The following CNDP1 variants were observed in gnomAD, a reference collection of about 807,000 sequenced individuals.
The protein encoded by CNDP1 is carnosine dipeptidase 1, also known as beta-Ala-His dipeptidase.
In CNDP1, 44 loss-of-function variants were observed where a neutral mutation model predicts 58.1. The observed-to-expected ratio is 0.76, with a 90% CI of 0.60 to 0.97. The LOEUF is 0.97. CNDP1 is among the 50% of genes least tolerant of loss of function. The pLI is 0.00. For synonymous variants in CNDP1, 254 were observed against 252.6 expected, an observed-to-expected ratio of 1.01 and a Z score of -0.05; for missense variants, 616 against 655.1, an observed-to-expected ratio of 0.94 and a Z score of 0.65.
chr18:74,575,574 T>A (rs1335027449), intron 7 of CNDP1, among the ~76,000 whole-genome samples: 1 of 152,234 alleles, frequency 6.6e-6, no homozygotes, highest in African/African-American at 2.4e-5. Context: ...TATTTAGTGA[T>A]GATTTTTTCC....
intron 1 of CNDP1, among the ~76,000 whole-genome samples, chr18:74,552,396 TC>T (rs950781992): frequency 1.7e-4 from 26 of 152,224 alleles, no homozygotes; most frequent in African/African-American, 6.0e-4. Flanking sequence ...TATAACATTT[TC>T]ATCACCCCAA....
chr18:74,572,652 A>G (rs1263359214), intron 7 of CNDP1, among the ~76,000 whole-genome samples: 1 of 151,880 alleles, frequency 6.6e-6, no homozygotes, highest in Non-Finnish European at 1.5e-5. Flanking sequence ...GCCAGGCATG[A>G]TGGTGTAGGC....
At chr18:74,566,112 A>G (rs959940760) in intron 5 of CNDP1, among the ~76,000 whole-genome samples, 2 of 152,190 alleles carry the variant, frequency 1.3e-5, no homozygotes, top group African/African-American at 2.4e-5. Context: ...CCTTTTAGCT[A>G]CAGCTGGGGA....
At chr18:74,560,619 A>T (rs976685991) in intron 3 of CNDP1, among the ~76,000 whole-genome samples, 2 of 151,978 alleles carry the variant, frequency 1.3e-5, no homozygotes, top group African/African-American at 2.4e-5. Flanking sequence ...GAGATGGGAG[A>T]ATCACTTGAG....
At chr18:74,576,422 C>T (rs1265050094) in intron 7 of CNDP1, 1 of 152,430 alleles carries the variant, frequency 6.6e-6, no homozygotes, top group Non-Finnish European at 1.5e-5. Context: ...GCTTTGACCT[C>T]CCAAAGTGCT....
chr18:74,585,452 C>T lies in CNDP1; in HGVS notation c.*890C>T, dbSNP rs575165342. Reference sequence around the variant, plus strand: ...AGTTTTAGATAGAGAACTAATCAACCCTGACATCAGTAACACACGCTAAAT... The same window carrying T: ...AGTTTTAGATAGAGAACTAATCAACTCTGACATCAGTAACACACGCTAAAT... On this transcript the variant is annotated 3_prime_UTR_variant, in exon 12 of 12. Transcript: ENST00000358821. 1 of 152,130 alleles carries T rather than the reference C, an allele frequency of 6.6e-6. No homozygotes were observed. Among genetic ancestry groups the T allele is most frequent in the Non-Finnish European group, 1.5e-5 (1 of 68,032 alleles). 9.4% of individuals were successfully genotyped at this position (152,130 alleles called of 1,614,324 possible).
intron 1 of CNDP1, among the ~76,000 whole-genome samples, chr18:74,552,332 T>G (rs1980932251): frequency 6.6e-6 from 1 of 152,250 alleles, no homozygotes; most frequent in Admixed American, 6.5e-5. Context: ...AAGTGTGTAA[T>G]TTTAATGGCT....
intron 5 of CNDP1, among the ~76,000 whole-genome samples, chr18:74,563,252 C>T (rs944682765): frequency 2.0e-5 from 3 of 152,112 alleles, no homozygotes; most frequent in Non-Finnish European, 4.4e-5. Context: ...TCAGCGGGCT[C>T]CTGCTGACCA....
intron 5 of CNDP1, among the ~76,000 whole-genome samples, chr18:74,566,960 G>A (rs767378172): frequency 6.6e-6 from 1 of 152,196 alleles, no homozygotes; most frequent in East Asian, 1.9e-4. Flanking sequence ...TCAGAATCAC[G>A]ACAGGAGGCA....
intron 4 of CNDP1, 173 bp from the exon 5 acceptor site, chr18:74,561,874 C>T: frequency 1.8e-6 from 1 of 559,342 alleles, no homozygotes; most frequent in Admixed American, 2.9e-5. Flanking sequence ...CTCTTATGTA[C>T]AGTCTTATTT....
At chr18:74,543,492 CA>C (rs1487169209) in intron 1 of CNDP1, among the ~76,000 whole-genome samples, 2 of 145,678 alleles carry the variant, frequency 1.4e-5, no homozygotes, top group African/African-American at 5.2e-5. Flanking sequence ...GATCCTGTCT[CA>C]AAAAATAAAA....
intron 1 of CNDP1, among the ~76,000 whole-genome samples, chr18:74,547,657 G>C (rs1980796470): frequency 1.3e-5 from 2 of 152,232 alleles, no homozygotes. Context: ...GTTAGCAAGA[G>C]CTAGGAGGGA....
chr18:74,557,504 G>A (rs868144461), intron 2 of CNDP1, among the ~76,000 whole-genome samples: 2 of 152,096 alleles, frequency 1.3e-5, no homozygotes, highest in African/African-American at 4.8e-5. Context: ...GGGAGAGCAG[G>A]AGCTTGCCGG....
Position 74,545,619 on chromosome 18 carries a change from GT to G in CNDP1, c.25-10718del, listed in dbSNP as rs1376826669. 2.6e-5 allele frequency among the ~76,000 whole-genome samples: 4 copies of G among 151,908 alleles called. No individual in the cohort carries two copies. The highest frequency in any genetic ancestry group is 4.4e-5 in the Non-Finnish European group (3 of 67,984). ...CCTCGCCACCCCTCCTCTGTCCCCA[GT>G]CCACGTCTCTCTCAACTCCCCACTC... On this transcript the variant is annotated intron_variant, in intron 1 of 11. Coordinates refer to ENST00000358821, the MANE Select transcript of CNDP1 (RefSeq NM_032649.6). The surrounding 1 kb of genome is among the most constrained non-coding windows in gnomAD (Gnocchi z 4.1).
intron 1 of CNDP1, among the ~76,000 whole-genome samples, chr18:74,554,006 T>C (rs1397095138): frequency 1.3e-5 from 2 of 152,204 alleles, no homozygotes; most frequent in Non-Finnish European, 2.9e-5. Flanking sequence ...ACTGTGAGGC[T>C]CCCAGTCCCT....
chr18:74,584,682 C>A lies in CNDP1; in HGVS notation c.*120C>A. 1 of 739,120 alleles carries A rather than the reference C, an allele frequency of 1.4e-6. No individual in the cohort carries two copies. The allele number at this position is 739,120 out of a possible 1,614,324, so 45.8% of individuals were successfully genotyped here. On this transcript the variant is annotated 3_prime_UTR_variant, in exon 12 of 12. Coordinates refer to ENST00000358821, the MANE Select transcript of CNDP1 (RefSeq NM_032649.6). ...GGTCTAGTATAGTACATTTTCCCTT[C>A]CATTTAAAATGTCTTGGGATATCTG...
At chr18:74,539,555 A>C (rs901721171) in intron 1 of CNDP1, among the ~76,000 whole-genome samples, 2 of 152,162 alleles carry the variant, frequency 1.3e-5, no homozygotes, top group Admixed American at 6.5e-5. Flanking sequence ...CACCTGCAGG[A>C]TTCCTCCGAC....
chr18:74,553,516 T>C (rs1446919695), intron 1 of CNDP1, among the ~76,000 whole-genome samples: 7 of 152,176 alleles, frequency 4.6e-5, no homozygotes, highest in Admixed American at 4.6e-4. Flanking sequence ...TTGAAAAGAC[T>C]GTTTTCCCCC....
rs1006794071 is a variant in CNDP1 at position 74,560,482 on chromosome 18, C to T, written c.304-374C>T. Among the ~76,000 whole-genome samples the T allele has an allele frequency of 7.2e-5, 11 of 152,184 alleles. 1 individual carries two copies. Among genetic ancestry groups the T allele is most frequent in the Middle Eastern group, 6.8e-3 (2 of 292 alleles). ...TAGCACTTTAGGAGGCTAAGGCGGG[C>T]GGATTAGTTGAGCCTGCCCAGCTGG... On this transcript the variant is annotated intron_variant, in intron 3 of 11. Coordinates refer to ENST00000358821, the MANE Select transcript of CNDP1 (RefSeq NM_032649.6).
Sources: allele counts gnomAD v4.1 joint callset (sites outside exome capture counted in the v4.1 genomes callset), GRCh38; gene constraint gnomAD v4.1.1; non-coding constraint Gnocchi (gnomAD v3.1); transcripts MANE v1.5; gene names NCBI Gene and HGNC (gene_info 2026-07-23, HGNC 2026-07-21).